The following DSC2 variants were observed in gnomAD, a reference collection of about 807,000 sequenced individuals.
DSC2 encodes desmocollin-2.
DSC2 carries 51 observed loss-of-function variants against 87.6 expected under a neutral mutation model. That is an observed-to-expected ratio of 0.58 (90% confidence interval 0.46 to 0.74). The LOEUF is 0.74. Ranked by LOEUF, DSC2 falls within the 30% of genes least tolerant of loss-of-function variation. The pLI is 0.00. For synonymous variants in DSC2, 383 were observed against 393.2 expected, an observed-to-expected ratio of 0.97 and a Z score of 0.31; for missense variants, 1,066 against 1,089.5, an observed-to-expected ratio of 0.98 and a Z score of 0.30.
At chr18:31,076,999 G>C (rs1042200321) in intron 11 of DSC2, among the ~76,000 whole-genome samples, 3 of 152,118 alleles carry the variant, frequency 2.0e-5, no homozygotes, top group African/African-American at 7.2e-5. Flanking sequence ...ACTTAAGTAT[G>C]AGGCCAATAT....
At chr18:31,079,137 T>C (rs894067149) in intron 11 of DSC2, among the ~76,000 whole-genome samples, 2 of 152,316 alleles carry the variant, frequency 1.3e-5, no homozygotes, top group South Asian at 2.1e-4. Context: ...ACTGTGTAAG[T>C]ATGTTTTCCA....
At chr18:31,082,113 G>T (rs1051882186) in intron 9 of DSC2, 125 bp downstream of exon 9, 3 of 810,942 alleles carry the variant, frequency 3.7e-6, no homozygotes, top group Non-Finnish European at 5.8e-6. Flanking sequence ...GAAGAACAGA[G>T]CATTTGCATT....
In DSC2 at chr18:31,074,862, A is replaced by G; in HGVS notation, c.1709T>C (p.Val570Ala). Residue 570 changes from valine (V) to alanine (A), a missense_variant, in exon 12 of 16, where the codon GTG (valine) becomes GCG (alanine). Val to Ala is a moderately conservative substitution (Grantham distance 64). Coordinates refer to ENST00000280904, the MANE Select transcript of DSC2 (RefSeq NM_024422.6). The part of the protein sequence containing the change: ...TGTLGIILQD[V>A]NDNSPFIPKK... ...AGGTATGAATGGGCTGTTATCATTC[A>G]CGTCTTGAAGTATAATGCCCAGTGT... 5 of 1,613,958 alleles carry G rather than the reference A, an allele frequency of 3.1e-6. No individual in the cohort carries two copies. The highest frequency in any genetic ancestry group is 4.2e-6 in the Non-Finnish European group (5 of 1,179,974).
In DSC2 at chr18:31,094,262, A is replaced by T. The variant is rs139592523; in HGVS notation, c.70-619T>A. Among the ~76,000 whole-genome samples the T allele has an allele frequency of 1.6e-3, 238 of 152,342 alleles. 4 individuals are homozygous for T. The highest frequency in any genetic ancestry group is 5.4e-3 in the African/African-American group (226 of 41,574). The stretch of plus-strand genomic sequence containing the variant: ...TGATATCAAATCAATAATATCCTAA[A>T]CAAAAAGTAAATGCTTTTAAAGACA... On this transcript the variant is annotated intron_variant, in intron 1 of 15. Coordinates refer to ENST00000280904, the MANE Select transcript of DSC2 (RefSeq NM_024422.6).
Position 31,061,700 on chromosome 18 carries a change from A to C in DSC2, c.*6315T>G, listed in dbSNP as rs1399961444. On this transcript the variant is annotated 3_prime_UTR_variant, in exon 16 of 16. Transcript: ENST00000280904. ...CTTAAGACTCTATATTGCATGTCTT[A>C]TTTGAAATATCTAAAGTTTAAAATG... 4 of 152,154 alleles carry C rather than the reference A, an allele frequency of 2.6e-5. No homozygotes were observed. The highest frequency in any genetic ancestry group is 5.9e-5 in the Non-Finnish European group (4 of 68,024). The allele number at this position is 152,154 out of a possible 1,614,324, so 9.4% of individuals were successfully genotyped here.
At position 31,070,869 on chromosome 18, in the gene DSC2, A is replaced by G. The variant is rs1986804926; in HGVS notation, c.2126-19T>C. On this transcript the variant is annotated intron_variant, in intron 13 of 15. Transcript: ENST00000280904. The stretch of plus-strand genomic sequence containing the variant: ...AGGATGCCTGGAGGAAGAAAGAAAT[A>G]TACTTGAGTTTATCATAAAATAATA... 3.1e-6 allele frequency: 5 copies of G among 1,613,026 alleles called. No homozygotes were observed. The highest frequency in any genetic ancestry group is 1.3e-5 in the African/African-American group (1 of 74,894).
At position 31,064,063 on chromosome 18, in the gene DSC2, ATGAAG is replaced by A. The variant is rs1201255893; in HGVS notation, c.*3947_*3951del. ...TGGCGGGGGGGAATATTGATCAGGA[ATGAAG>A]TGAAGAGTGGGAACAGCTGACATAG... is the stretch of plus-strand genomic sequence containing the variant. On this transcript the variant is annotated 3_prime_UTR_variant, in exon 16 of 16. Transcript: ENST00000280904. 1 of 152,586 alleles carries A rather than the reference ATGAAG, an allele frequency of 6.6e-6. No individual in the cohort carries two copies. The highest frequency in any genetic ancestry group is 1.5e-5 in the Non-Finnish European group (1 of 68,380). 9.5% of individuals were successfully genotyped at this position (152,586 alleles called of 1,614,324 possible).
intron 3 of DSC2, 94 bp from the exon 4 acceptor site, chr18:31,091,241 T>C: frequency 1.3e-6 from 2 of 1,513,836 alleles, no homozygotes; most frequent in Non-Finnish European, 9.1e-7. Context: ...TCAGGAGGAT[T>C]AGCTGGGTAG....
chr18:31,098,359 A>G (rs1285449891), intron 1 of DSC2, among the ~76,000 whole-genome samples: 1 of 152,126 alleles, frequency 6.6e-6, no homozygotes, highest in Non-Finnish European at 1.5e-5. Flanking sequence ...CTTTACACCA[A>G]TATATATATC....
chr18:31,090,970 C>T (rs2144842776), intron 4 of DSC2, 58 bp downstream of exon 4: 1 of 1,609,494 alleles, frequency 6.2e-7, no homozygotes, highest in Non-Finnish European at 8.5e-7. Context: ...TACTCAGTGT[C>T]ATAATGGTAA....
Position 31,082,386 on chromosome 18 carries a change from T to G in DSC2, c.1115A>C (p.Glu372Ala), listed in dbSNP as rs776186185. Residue 372 changes from glutamate (E) to alanine (A), a missense_variant, in exon 9 of 16, where the codon GAA (glutamate) becomes GCA (alanine). Coordinates refer to ENST00000280904, the MANE Select transcript of DSC2 (RefSeq NM_024422.6). Reference sequence around the variant, plus strand: ...ATCCTCAACAGTAACTCGTAAGATTTCCACATCAACTGTATTTTCTTCCAC... The same window carrying G: ...ATCCTCAACAGTAACTCGTAAGATTGCCACATCAACTGTATTTTCTTCCAC... ...TSVEENTVDV[E>A]ILRVTVEDKD... is the part of the protein sequence containing the mutation. 1 of 1,613,802 alleles carries G rather than the reference T, an allele frequency of 6.2e-7. No homozygotes were observed. The highest frequency in any genetic ancestry group is 8.5e-7 in the Non-Finnish European group (1 of 1,179,996).
chr18:31,072,916 T>C (rs1986880643), intron 12 of DSC2, among the ~76,000 whole-genome samples: 1 of 152,226 alleles, frequency 6.6e-6, no homozygotes, highest in East Asian at 1.9e-4. Flanking sequence ...CCAAAACTTA[T>C]AATTCCTAAT....
rs1393819461 is a variant in DSC2 at position 31,087,783 on chromosome 18, A to G, written c.661T>C (p.Tyr221His). ...AGGGGCAGTGGAAGTTCTGGAGTAT[A>G]CCCATCTGGAGTTGTTGCAAAGGCA... ...IIAFATTPDG[Y>H]TPELPLPLII... Residue 221 changes from tyrosine (Y) to histidine (H), a missense_variant, in exon 6 of 16, where the codon TAT becomes CAT. Transcript: ENST00000280904. 2 of 1,613,938 alleles carry G rather than the reference A, an allele frequency of 1.2e-6. No individual in the cohort carries two copies. Among genetic ancestry groups the G allele is most frequent in the Non-Finnish European group, 1.7e-6 (2 of 1,179,878 alleles).
chr18:31,092,261 T>C lies in DSC2; in HGVS notation c.194A>G (p.His65Arg). 1.9e-6 allele frequency: 3 copies of C among 1,613,790 alleles called. No individual in the cohort carries two copies. The highest frequency in any genetic ancestry group is 2.5e-6 in the Non-Finnish European group (3 of 1,179,802). Reference sequence around the variant, plus strand: ...AATTTGGAAGTCAGGATCACTTGAATGAATTAGATTTGCAGCTGTAAAGCA... The same window carrying C: ...AATTTGGAAGTCAGGATCACTTGAACGAATTAGATTTGCAGCTGTAAAGCA... Reference protein sequence around the residue: ...KECFTAANLIHSSDPDFQILE... With the variant: ...KECFTAANLIRSSDPDFQILE... Residue 65 changes from histidine to arginine, a missense_variant, in exon 3 of 16, where the codon CAT becomes CGT. Transcript: ENST00000280904.
In DSC2 at chr18:31,080,325, T is replaced by C. The variant is rs377287621; in HGVS notation, c.1291A>G (p.Met431Val). 1.2e-5 allele frequency: 20 copies of C among 1,613,944 alleles called. No individual in the cohort carries two copies. In the African/African-American group the frequency reaches 2.3e-4, roughly 18 times the overall value. ...TTAACTACACCAATTTGCAAGATCA[T>C]CTGTTGCTTTTCTTCATAATTCAAA... Reference protein sequence around the residue: ...KPLNYEEKQQMILQIGVVNEA... With the variant: ...KPLNYEEKQQVILQIGVVNEA... Residue 431 changes from methionine to valine, a missense_variant, in exon 10 of 16, where the codon ATG becomes GTG. Physicochemically the swap from Met to Val is conservative, Grantham distance 21. Coordinates refer to ENST00000280904, the MANE Select transcript of DSC2 (RefSeq NM_024422.6).
intron 12 of DSC2, 137 bp downstream of exon 12, chr18:31,074,546 T>A: frequency 1.2e-6 from 1 of 800,036 alleles, no homozygotes; most frequent in Non-Finnish European, 2.0e-6. Flanking sequence ...AGAGACCTAC[T>A]CCCAACACAC....
intron 1 of DSC2, chr18:31,101,526 A>T (rs1254961343): frequency 2.0e-5 from 4 of 202,530 alleles, no homozygotes; most frequent in African/African-American, 1.1e-4. Context: ...GCCCCGGCGC[A>T]CTCCCGCCCC....
chr18:31,067,971 A>T lies in DSC2; in HGVS notation c.*44T>A. The T allele has an allele frequency of 6.3e-7, 1 of 1,594,740 alleles. No homozygotes were observed. Among genetic ancestry groups the T allele is most frequent in the African/African-American group, 1.3e-5 (1 of 74,522 alleles). On this transcript the variant is annotated 3_prime_UTR_variant, in exon 16 of 16. Coordinates refer to ENST00000280904, the MANE Select transcript of DSC2 (RefSeq NM_024422.6). ...AATTCTTGGTTTGTAATTTTTTTTA[A>T]AAGTCATAAAGCCACTGGCTTTCAG...
At chr18:31,081,863 C>T (rs1987229688) in intron 9 of DSC2, among the ~76,000 whole-genome samples, 1 of 152,054 alleles carries the variant, frequency 6.6e-6, no homozygotes, top group African/African-American at 2.4e-5. Context: ...ATGGGGCTGA[C>T]CAAGAGTAAC....
Sources: allele counts gnomAD v4.1 joint callset (sites outside exome capture counted in the v4.1 genomes callset), GRCh38; gene constraint gnomAD v4.1.1; transcripts MANE v1.5; gene names NCBI Gene and HGNC (gene_info 2026-07-23, HGNC 2026-07-21).